The following CLNK variants were observed in gnomAD, a reference collection of about 807,000 sequenced individuals.
CLNK encodes the protein cytokine-dependent hematopoietic cell linker.
Under a neutral mutation model 68.6 loss-of-function variants are expected in CLNK, and 74 were observed. That is an observed-to-expected ratio of 1.08 (90% CI 0.89 to 1.31). The LOEUF is 1.31. Among genes scored for constraint, CLNK ranks in the 50% most tolerant of loss-of-function variants. The pLI, the probability that CLNK is intolerant of heterozygous loss-of-function variation, is 0.00. For synonymous variants in CLNK, 198 were observed against 172.2 expected (o/e 1.15, Z -1.17); for missense variants, 553 against 515.3 (o/e 1.07, Z -0.71).
At chr4:10,662,688 A>T (rs550347624) in intron 2 of CLNK, among the ~76,000 whole-genome samples, 20 of 152,366 alleles carry the variant, frequency 1.3e-4, no homozygotes, top group African/African-American at 4.3e-4. Context: ...TGAATGACTT[A>T]AAACAATGAG....
chr4:10,607,880 G>A (rs568959152), intron 2 of CLNK, among the ~76,000 whole-genome samples: 1 of 152,192 alleles, frequency 6.6e-6, no homozygotes, highest in Non-Finnish European at 1.5e-5. Flanking sequence ...ATAAGCCCTG[G>A]TTATTGAATC....
intron 2 of CLNK, among the ~76,000 whole-genome samples, chr4:10,603,749 C>A (rs1225330680): frequency 6.6e-6 from 1 of 152,176 alleles, no homozygotes; most frequent in Admixed American, 6.5e-5. Context: ...TCCTGGGTGG[C>A]CCAGTCAGTG....
intron 3 of CLNK, among the ~76,000 whole-genome samples, chr4:10,586,464 G>A (rs879684524): frequency 1.3e-5 from 2 of 150,766 alleles, no homozygotes; most frequent in Non-Finnish European, 2.9e-5. Context: ...ACAGGCACGT[G>A]CCACCACGCC....
intron 7 of CLNK, among the ~76,000 whole-genome samples, chr4:10,564,143 C>A (rs1427902432): frequency 6.7e-6 from 1 of 149,630 alleles, no homozygotes; most frequent in Non-Finnish European, 1.5e-5. Flanking sequence ...ACTCTGTCAC[C>A]CAGGCTGGAG....
intron 2 of CLNK, among the ~76,000 whole-genome samples, chr4:10,611,644 C>T (rs983649667): frequency 3.3e-5 from 5 of 152,104 alleles, no homozygotes; most frequent in Non-Finnish European, 5.9e-5. Context: ...ACTTTATGAT[C>T]CCAGCAGGTC....
At chr4:10,616,818 A>C (rs1722252754) in intron 2 of CLNK, among the ~76,000 whole-genome samples, 1 of 54,280 alleles carries the variant, frequency 1.8e-5, no homozygotes, top group Non-Finnish European at 4.6e-5. Context: ...ATATATATAT[A>C]TATATACACG....
At chr4:10,678,454 A>T (rs1277832557) in intron 1 of CLNK, among the ~76,000 whole-genome samples, 7 of 152,232 alleles carry the variant, frequency 4.6e-5, no homozygotes, top group Admixed American at 4.6e-4. Context: ...AATAATTTCT[A>T]TTATTTTTCA....
intron 2 of CLNK, among the ~76,000 whole-genome samples, chr4:10,611,153 A>T (rs979107180): frequency 6.6e-6 from 1 of 152,186 alleles, no homozygotes; most frequent in African/African-American, 2.4e-5. Context: ...CCCCGTCTCT[A>T]CTAAAAATAC....
chr4:10,619,290 G>A (rs1169153314), intron 2 of CLNK, among the ~76,000 whole-genome samples: 3 of 152,268 alleles, frequency 2.0e-5, no homozygotes, highest in Middle Eastern at 3.4e-3. Flanking sequence ...TGTAATCACC[G>A]GCTAGGAAAA....
the CLNK span, among the ~76,000 whole-genome samples, chr4:10,722,149 G>C: frequency 2.6e-5 from 4 of 152,140 alleles, no homozygotes; most frequent in African/African-American, 9.7e-5. Flanking sequence ...ATTCCAGATT[G>C]AGCGAGAGAG....
At chr4:10,723,132 G>T in the CLNK span, among the ~76,000 whole-genome samples, 1 of 152,124 alleles carries the variant, frequency 6.6e-6, no homozygotes. Context: ...AGGTTACAAA[G>T]TTCTTTACTT....
chr4:10,548,546 C>A (rs1190644967), intron 8 of CLNK, among the ~76,000 whole-genome samples: 1 of 152,122 alleles, frequency 6.6e-6, no homozygotes, highest in East Asian at 1.9e-4. Context: ...TGCTGCCTGT[C>A]CTTTTGGTCT....
intron 2 of CLNK, among the ~76,000 whole-genome samples, chr4:10,639,453 G>C (rs577806109): frequency 2.6e-5 from 4 of 152,314 alleles, no homozygotes; most frequent in East Asian, 3.9e-4. Flanking sequence ...CTCAGCTTGG[G>C]AACCAACTAA....
intron 14 of CLNK, among the ~76,000 whole-genome samples, chr4:10,521,198 T>C (rs1718047973): frequency 6.6e-6 from 1 of 152,172 alleles, no homozygotes; most frequent in African/African-American, 2.4e-5. Flanking sequence ...TAGAAACTAT[T>C]TACCAATTGA....
chr4:10,588,501 A>G lies in CLNK; in HGVS notation c.84-3546T>C, dbSNP rs530318937. 2.7e-3 allele frequency among the ~76,000 whole-genome samples: 409 copies of G among 152,310 alleles called. 3 individuals are homozygous for G. Among genetic ancestry groups the G allele is most frequent in the Non-Finnish European group, 3.9e-3 (263 of 68,038 alleles). ...TCTTCTGACATCTAAAAAGAGTAGC[A>G]CCAAACAGAAAATAAAATAACTCGT... is the stretch of plus-strand genomic sequence containing the variant. On this transcript the variant is annotated intron_variant, in intron 3 of 18. Coordinates refer to ENST00000226951, the MANE Select transcript of CLNK (RefSeq NM_052964.4).
intron 2 of CLNK, among the ~76,000 whole-genome samples, chr4:10,625,651 GAGAA>G (rs1229772386): frequency 6.6e-6 from 1 of 152,032 alleles, no homozygotes; most frequent in Non-Finnish European, 1.5e-5. Flanking sequence ...TTAAAACACA[GAGAA>G]AGAGAGACAG....
intron 13 of CLNK, among the ~76,000 whole-genome samples, chr4:10,527,680 G>A (rs1718374005): frequency 6.6e-6 from 1 of 152,206 alleles, no homozygotes; most frequent in Non-Finnish European, 1.5e-5. Context: ...GGGCACGTGT[G>A]TACATGTATG....
At chr4:10,589,786 C>T (rs982063617) in intron 3 of CLNK, among the ~76,000 whole-genome samples, 1 of 152,160 alleles carries the variant, frequency 6.6e-6, no homozygotes, top group Non-Finnish European at 1.5e-5. Context: ...CTTGACAGCC[C>T]AGGGTGATTA....
At position 10,517,916 on chromosome 4, in the gene CLNK, A is replaced by T. The variant is rs147533400; in HGVS notation, c.772+2875T>A. 2.6e-5 allele frequency among the ~76,000 whole-genome samples: 4 copies of T among 152,336 alleles called. No homozygotes were observed. The East Asian group carries it at 7.7e-4, about 29-fold the overall frequency. On this transcript the variant is annotated intron_variant, in intron 15 of 18. Coordinates refer to ENST00000226951, the MANE Select transcript of CLNK (RefSeq NM_052964.4). ...GAAAGCCTGGTTGTATCTTTGTTGA[A>T]TGAATGAATGAAAGAAATTCTGACT...
Sources: allele counts gnomAD v4.1 joint callset (sites outside exome capture counted in the v4.1 genomes callset), GRCh38; gene constraint gnomAD v4.1.1; transcripts MANE v1.5; gene names NCBI Gene and HGNC (gene_info 2026-07-23, HGNC 2026-07-21).